The following SLC25A48 variants were observed in gnomAD, a reference collection of about 807,000 sequenced individuals.
SLC25A48 encodes the protein solute carrier family 25 member 48.
SLC25A48 carries 29 observed loss-of-function variants against 32.2 expected under a neutral mutation model. The ratio of observed to expected loss-of-function variants is 0.90; its 90% confidence interval spans 0.67 to 1.23. SLC25A48 has a LOEUF of 1.23. Ranked by LOEUF, SLC25A48 falls within the 50% of genes most tolerant of loss-of-function variation. SLC25A48 has a pLI of 0.00. For synonymous variants in SLC25A48, 164 were observed against 172.3 expected, an observed-to-expected ratio of 0.95 and a Z score of 0.38; for missense variants, 399 against 422.7, an observed-to-expected ratio of 0.94 and a Z score of 0.49.
intron 1 of SLC25A48, among the ~76,000 whole-genome samples, chr5:135,605,869 A>G (rs976965766): frequency 6.6e-6 from 1 of 152,220 alleles, no homozygotes; most frequent in Non-Finnish European, 1.5e-5. Flanking sequence ...TGGCTTGGGA[A>G]GGTATTGTCA....
intron 3 of SLC25A48, among the ~76,000 whole-genome samples, chr5:135,699,303 G>T (rs1754335167): frequency 6.6e-6 from 1 of 151,934 alleles, no homozygotes; most frequent in Non-Finnish European, 1.5e-5. Flanking sequence ...TTTTAAATGT[G>T]ATGTGTATAC....
At chr5:135,742,513 C>A in intron 3 of SLC25A48, 2 of 1,557,298 alleles carry the variant, frequency 1.3e-6, no homozygotes, top group Non-Finnish European at 8.8e-7. Context: ...ATGTGCTTTT[C>A]CCAACACTGC....
chr5:135,795,821 G>T (rs1757155175), intron 3 of SLC25A48, among the ~76,000 whole-genome samples: 1 of 151,184 alleles, frequency 6.6e-6, no homozygotes, highest in Admixed American at 6.6e-5. Flanking sequence ...AATATCCAGG[G>T]GGGAGAGGGT....
intron 3 of SLC25A48, among the ~76,000 whole-genome samples, chr5:135,811,072 CT>C (rs1757579960): frequency 6.6e-6 from 1 of 152,116 alleles, no homozygotes; most frequent in South Asian, 2.1e-4. Flanking sequence ...GCTACAGGGG[CT>C]TCTGTAGGAG....
intron 1 of SLC25A48, among the ~76,000 whole-genome samples, chr5:135,587,961 A>T (rs568199255): frequency 6.6e-6 from 1 of 152,200 alleles, no homozygotes; most frequent in East Asian, 1.9e-4. Context: ...CAGGAGGGAA[A>T]GTGTGGTATG....
chr5:135,742,631 G>A (rs574075735), intron 3 of SLC25A48: 12 of 651,480 alleles, frequency 1.8e-5, no homozygotes, highest in Admixed American at 9.9e-5. Context: ...GTTTCTGACC[G>A]AACCTCGAAT....
intron 1 of SLC25A48, among the ~76,000 whole-genome samples, chr5:135,595,447 A>G (rs1751627065): frequency 6.6e-6 from 1 of 152,240 alleles, no homozygotes; most frequent in Non-Finnish European, 1.5e-5. Context: ...TCCAATGGAC[A>G]GACACCACTC....
intron 1 of SLC25A48, among the ~76,000 whole-genome samples, chr5:135,612,587 A>G (rs1046074978): frequency 3.9e-5 from 6 of 152,080 alleles, no homozygotes; most frequent in South Asian, 2.1e-4. Context: ...TCTACTCTCT[A>G]TCTCCAGGAG....
At chr5:135,842,534 G>T in intron 2 of SLC25A48, 75 bp downstream of exon 2, 1 of 1,426,514 alleles carries the variant, frequency 7.0e-7, no homozygotes. Flanking sequence ...TATTCCTGCT[G>T]TTTCTAATCT....
At chr5:135,773,882 C>A (rs1349541368) in intron 3 of SLC25A48, among the ~76,000 whole-genome samples, 1 of 151,222 alleles carries the variant, frequency 6.6e-6, no homozygotes, top group Non-Finnish European at 1.5e-5. Flanking sequence ...GACTGTACAC[C>A]ACCAATGTGA....
At chr5:135,816,949 C>A (rs137947810) in intron 4 of SLC25A48, among the ~76,000 whole-genome samples, 6 of 152,058 alleles carry the variant, frequency 3.9e-5, no homozygotes, top group African/African-American at 1.4e-4. Flanking sequence ...ACATAAAAAC[C>A]CCAAAATATT....
At position 135,868,935 on chromosome 5, in the gene SLC25A48, G is replaced by A. The variant is rs531545587; in HGVS notation, c.422-2526G>A. Among the ~76,000 whole-genome samples, 4 of 152,160 alleles carry A rather than the reference G, an allele frequency of 2.6e-5. No homozygotes were observed. The East Asian group carries it at 5.8e-4, about 22-fold the overall frequency. ...AGGTCACTCTTACCTGGAAATGAAT[G>A]GGGCTTAGGCAAAGTTTAGACACTG... On this transcript the variant is annotated intron_variant, in intron 4 of 7. Transcript: ENST00000681962.
chr5:135,688,967 C>CTTATAAG (rs1754082006), intron 3 of SLC25A48, among the ~76,000 whole-genome samples: 1 of 152,190 alleles, frequency 6.6e-6, no homozygotes, highest in African/African-American at 2.4e-5. Flanking sequence ...AGTGCATCCT[C>CTTATAAG]ACAACAGTCT....
At chr5:135,853,596 C>T (rs963908645) in intron 4 of SLC25A48, among the ~76,000 whole-genome samples, 5 of 152,216 alleles carry the variant, frequency 3.3e-5, no homozygotes, top group Admixed American at 2.0e-4. Flanking sequence ...TTGCACCATT[C>T]AGCCCCATCT....
At chr5:135,709,498 C>T (rs898109620) in intron 3 of SLC25A48, among the ~76,000 whole-genome samples, 1 of 152,214 alleles carries the variant, frequency 6.6e-6, no homozygotes, top group African/African-American at 2.4e-5. Context: ...CCCAAAGGTT[C>T]GGACTCAGTA....
chr5:135,762,283 G>T (rs1756079704), intron 3 of SLC25A48, among the ~76,000 whole-genome samples: 2 of 152,174 alleles, frequency 1.3e-5, no homozygotes, highest in Non-Finnish European at 2.9e-5. Context: ...GGTGCAGGGA[G>T]AGGCAAGGGC....
intron 3 of SLC25A48, among the ~76,000 whole-genome samples, chr5:135,753,057 G>T (rs1429003329): frequency 6.6e-6 from 1 of 152,016 alleles, no homozygotes; most frequent in African/African-American, 2.4e-5. Flanking sequence ...CACTGGGGGT[G>T]TACGTACATA....
chr5:135,737,499 G>A (rs1755403216), intron 3 of SLC25A48, among the ~76,000 whole-genome samples: 1 of 152,196 alleles, frequency 6.6e-6, no homozygotes, highest in African/African-American at 2.4e-5. Context: ...GAGGACAAGA[G>A]TAGAACCTCT....
At chr5:135,598,013 AT>A in intron 1 of SLC25A48, among the ~76,000 whole-genome samples, 1 of 123,336 alleles carries the variant, frequency 8.1e-6, no homozygotes, top group South Asian at 2.8e-4. Context: ...TAAAAAAAAA[AT>A]CAAACCAAAA....
Sources: gnomAD v4.1 joint callset for allele counts (sites outside exome capture counted in the v4.1 genomes callset) on GRCh38, gnomAD v4.1.1 for gene constraint, MANE v1.5 for transcripts, NCBI Gene and HGNC (gene_info 2026-07-23, HGNC 2026-07-21) for gene names.